Variants in FNBP1 observed in about 807,000 individuals in gnomAD.
FNBP1 encodes formin-binding protein 1.
In FNBP1, 26 loss-of-function variants were observed where a neutral mutation model predicts 90.6. The ratio of observed to expected loss-of-function variants is 0.29; its 90% CI spans 0.21 to 0.40. FNBP1 has a LOEUF of 0.40. Ranked by LOEUF, FNBP1 falls within the 10% of genes least tolerant of loss-of-function variation. FNBP1 has a pLI of 1.00. For synonymous variants in FNBP1, 260 were observed against 265.2 expected (o/e 0.98, Z 0.19); for missense variants, 635 against 768.0 (o/e 0.83, Z 2.05).
intron 1 of FNBP1, among the ~76,000 whole-genome samples, chr9:130,024,717 C>T (rs1011602838): frequency 6.6e-6 from 1 of 152,152 alleles, no homozygotes; most frequent in African/African-American, 2.4e-5. Flanking sequence ...AAGAAGCCAT[C>T]GTATCATCCT....
intron 4 of FNBP1, among the ~76,000 whole-genome samples, chr9:129,965,372 C>T (rs2048396549): frequency 6.6e-6 from 1 of 152,200 alleles, no homozygotes; most frequent in African/African-American, 2.4e-5. Context: ...TGCTCAGTTG[C>T]TTGACTTTAC....
chr9:129,929,432 AAAAT>A, intron 7 of FNBP1, 131 bp downstream of exon 7: 7 of 811,280 alleles, frequency 8.6e-6, no homozygotes, highest in East Asian at 5.5e-5. Flanking sequence ...AAAAAAAAAA[AAAAT>A]TAGTGGAAAT....
At chr9:130,021,683 C>CA (rs904425965) in intron 1 of FNBP1, among the ~76,000 whole-genome samples, 10 of 150,030 alleles carry the variant, frequency 6.7e-5, no homozygotes, top group South Asian at 2.1e-4. Context: ...AAGGAGACTT[C>CA]AAAAAAAAAC....
chr9:130,051,852 A>T, the FNBP1 span, among the ~76,000 whole-genome samples: 1 of 152,168 alleles, frequency 6.6e-6, no homozygotes, highest in Non-Finnish European at 1.5e-5. Flanking sequence ...GTACTTGACT[A>T]AGAGAGTAAG....
intron 6 of FNBP1, among the ~76,000 whole-genome samples, chr9:129,954,763 G>A (rs987450504): frequency 2.6e-5 from 4 of 152,160 alleles, no homozygotes; most frequent in Non-Finnish European, 2.9e-5. Context: ...TTGGGAGGCC[G>A]AGGCTGGTGG....
chr9:129,975,636 T>G (rs1220992296), intron 4 of FNBP1, among the ~76,000 whole-genome samples: 5 of 152,090 alleles, frequency 3.3e-5, no homozygotes, highest in Non-Finnish European at 7.4e-5. Flanking sequence ...GCACGGTGGC[T>G]CACGCTTGTA....
intron 6 of FNBP1, among the ~76,000 whole-genome samples, chr9:129,956,989 C>G (rs1039027223): frequency 6.7e-6 from 1 of 150,360 alleles, no homozygotes; most frequent in Non-Finnish European, 1.5e-5. Flanking sequence ...GATGGGTGGT[C>G]GGTGATGAAC....
chr9:129,965,456 C>T (rs1331982901), intron 4 of FNBP1, among the ~76,000 whole-genome samples: 1 of 152,208 alleles, frequency 6.6e-6, no homozygotes, highest in African/African-American at 2.4e-5. Context: ...CCCTCCTTCT[C>T]TGGCTACTCC....
At chr9:130,011,187 G>C (rs1589248617) in intron 1 of FNBP1, among the ~76,000 whole-genome samples, 1 of 111,644 alleles carries the variant, frequency 9.0e-6, no homozygotes, top group Non-Finnish European at 1.7e-5. Context: ...TTGCACTCCA[G>C]CCTGGGTGAC....
At chr9:130,052,136 T>C in the FNBP1 span, among the ~76,000 whole-genome samples, 2 of 152,244 alleles carry the variant, frequency 1.3e-5, no homozygotes, top group Admixed American at 6.5e-5. Flanking sequence ...ACAATGTCTT[T>C]GTAGTCAGTT....
intron 15 of FNBP1, among the ~76,000 whole-genome samples, chr9:129,896,526 G>A (rs1256246443): frequency 6.6e-6 from 1 of 152,140 alleles, no homozygotes; most frequent in Non-Finnish European, 1.5e-5. Context: ...TGAGACTATA[G>A]GTGTGCACCA....
the FNBP1 span, among the ~76,000 whole-genome samples, chr9:130,051,549 C>T: frequency 6.6e-6 from 1 of 152,196 alleles, no homozygotes; most frequent in Non-Finnish European, 1.5e-5. Context: ...GGCAGGGTGG[C>T]TTACGCCTGT....
At chr9:130,025,012 T>C (rs1326814674) in intron 1 of FNBP1, among the ~76,000 whole-genome samples, 1 of 152,006 alleles carries the variant, frequency 6.6e-6, no homozygotes, top group Non-Finnish European at 1.5e-5. Context: ...AAACCCTGTC[T>C]CTACTAAAAA....
At chr9:129,925,537 A>G (rs1341544748) in intron 8 of FNBP1, among the ~76,000 whole-genome samples, 2 of 150,856 alleles carry the variant, frequency 1.3e-5, no homozygotes, top group African/African-American at 4.9e-5. Context: ...GATCTCATAC[A>G]GATGATAACT....
intron 1 of FNBP1, among the ~76,000 whole-genome samples, chr9:130,036,467 T>C (rs2059321807): frequency 6.6e-6 from 1 of 152,206 alleles, no homozygotes; most frequent in African/African-American, 2.4e-5. Context: ...TACACAAATT[T>C]TCAGGATTCT....
intron 2 of FNBP1, among the ~76,000 whole-genome samples, chr9:129,983,828 T>TA (rs965626290): frequency 1.3e-5 from 2 of 151,630 alleles, no homozygotes; most frequent in African/African-American, 4.8e-5. Context: ...AACAATCAAA[T>TA]AAAAAAACCC....
intron 16 of FNBP1, among the ~76,000 whole-genome samples, chr9:129,891,769 T>C (rs999765284): frequency 2.0e-5 from 3 of 152,082 alleles, no homozygotes; most frequent in Non-Finnish European, 4.4e-5. Flanking sequence ...GCAGAATTTT[T>C]AAAAAAGCAT....
At chr9:129,894,790 T>G (rs2035466696) in intron 16 of FNBP1, among the ~76,000 whole-genome samples, 4 of 152,222 alleles carry the variant, frequency 2.6e-5, no homozygotes, top group Admixed American at 2.6e-4. Flanking sequence ...CCAGGTGCGG[T>G]GGCTCACGCC....
At chr9:129,905,088 G>A (rs900459851) in intron 12 of FNBP1, among the ~76,000 whole-genome samples, 25 of 151,464 alleles carry the variant, frequency 1.7e-4, no homozygotes, top group Non-Finnish European at 3.2e-4. Context: ...TCCGAAACCC[G>A]TCTCGTCTCT....
Sources: gnomAD v4.1 joint callset for allele counts (sites outside exome capture counted in the v4.1 genomes callset) on GRCh38, gnomAD v4.1.1 for gene constraint, MANE v1.5 for transcripts, NCBI Gene and HGNC (gene_info 2026-07-23, HGNC 2026-07-21) for gene names.